Variants in SKAP1 observed in about 807,000 individuals in gnomAD.
SKAP1 encodes the protein src kinase associated phosphoprotein 1.
A neutral mutation model predicts 58.5 loss-of-function variants in SKAP1; 44 were observed. The ratio of observed to expected loss-of-function variants is 0.75; its 90% confidence interval spans 0.59 to 0.97. The LOEUF (loss-of-function observed/expected upper bound fraction) is 0.97. Ranked by LOEUF, SKAP1 falls within the 50% of genes least tolerant of loss-of-function variation. The probability of loss-of-function intolerance (pLI) is 0.00; values close to 1 mark genes in which losing one functional copy is unlikely to be tolerated. For synonymous variants in SKAP1, 127 were observed against 149.7 expected (o/e 0.85, Z 1.11); for missense variants, 390 against 435.2 (o/e 0.90, Z 0.92).
intron 4 of SKAP1, among the ~76,000 whole-genome samples, chr17:48,197,119 A>C (rs1307361415): frequency 6.6e-6 from 1 of 152,106 alleles, no homozygotes; most frequent in Non-Finnish European, 1.5e-5. Flanking sequence ...TTAGCTGGGC[A>C]TAGTGGTGCA....
At chr17:48,312,274 T>G (rs560996912) in intron 4 of SKAP1, among the ~76,000 whole-genome samples, 1 of 152,376 alleles carries the variant, frequency 6.6e-6, no homozygotes, top group East Asian at 1.9e-4. Context: ...AGGTAAAATC[T>G]GATTGGGTGA....
intron 4 of SKAP1, among the ~76,000 whole-genome samples, chr17:48,235,100 C>T (rs1032754507): frequency 1.3e-5 from 2 of 152,096 alleles, no homozygotes; most frequent in Admixed American, 6.5e-5. Context: ...ACAGAGGAGA[C>T]AAAGACTGAG....
intron 4 of SKAP1, among the ~76,000 whole-genome samples, chr17:48,302,016 T>A (rs908772104): frequency 4.6e-5 from 7 of 152,200 alleles, no homozygotes; most frequent in Non-Finnish European, 8.8e-5. Context: ...TCTGTTGAGA[T>A]TATAGGAAAC....
At chr17:48,319,078 T>C (rs565075466) in intron 4 of SKAP1, among the ~76,000 whole-genome samples, 3 of 151,974 alleles carry the variant, frequency 2.0e-5, no homozygotes, top group African/African-American at 7.2e-5. Context: ...TCTGAGAGAG[T>C]GAACAAAACA....
chr17:48,413,514 CA>C lies in SKAP1; in HGVS notation c.46+16560del, dbSNP rs1222640261. Among the ~76,000 whole-genome samples the C allele has an allele frequency of 1.9e-4, 19 of 99,964 alleles. 3 individuals are homozygous for C. The highest frequency in any genetic ancestry group is 3.1e-4 in the Non-Finnish European group (16 of 51,860). The allele number at this position is 99,964 out of a possible 152,430, so 65.6% of individuals were successfully genotyped here. ...AGGCAATAAGAGCAAAACTCCGTCTCAAAAAAAAAATATATATATATATATA... is the reference window on the plus strand; with the variant it reads ...AGGCAATAAGAGCAAAACTCCGTCTCAAAAAAAAATATATATATATATATA... On this transcript the variant is annotated intron_variant, in intron 1 of 12. Coordinates refer to ENST00000336915, the MANE Select transcript of SKAP1 (RefSeq NM_003726.4).
chr17:48,311,333 G>T (rs949700265), intron 4 of SKAP1, among the ~76,000 whole-genome samples: 1 of 152,142 alleles, frequency 6.6e-6, no homozygotes, highest in African/African-American at 2.4e-5. Context: ...AACTGCTCAG[G>T]AGATACCCTC....
intron 9 of SKAP1, among the ~76,000 whole-genome samples, chr17:48,175,545 G>C (rs148844861): frequency 3.2e-3 from 483 of 152,260 alleles, no homozygotes; most frequent in Non-Finnish European, 5.0e-3. Context: ...CAAAATATTC[G>C]CATCCTATTT....
At chr17:48,358,899 CAA>C (rs2066906105) in intron 3 of SKAP1, among the ~76,000 whole-genome samples, 8 of 152,082 alleles carry the variant, frequency 5.3e-5, no homozygotes, top group Non-Finnish European at 2.9e-5. Flanking sequence ...CCGTAGCTAA[CAA>C]AGTTTCTAAG....
At chr17:48,428,660 A>T (rs1370416263) in intron 1 of SKAP1, among the ~76,000 whole-genome samples, 1 of 152,254 alleles carries the variant, frequency 6.6e-6, no homozygotes, top group Non-Finnish European at 1.5e-5. Flanking sequence ...AGATACCAAT[A>T]AAAAGAATCA....
intron 4 of SKAP1, among the ~76,000 whole-genome samples, chr17:48,307,022 G>A (rs1175403428): frequency 6.6e-6 from 1 of 152,122 alleles, no homozygotes; most frequent in East Asian, 1.9e-4. Context: ...TCCCAGACAA[G>A]TATAATTTTC....
intron 6 of SKAP1, 83 bp from the exon 7 acceptor site, chr17:48,184,930 G>C: frequency 7.2e-7 from 1 of 1,380,038 alleles, no homozygotes; most frequent in Non-Finnish European, 9.9e-7. Context: ...TAAAATAAAA[G>C]CACAGAAACA....
At chr17:48,420,558 T>C (rs951098816) in intron 1 of SKAP1, among the ~76,000 whole-genome samples, 3 of 152,130 alleles carry the variant, frequency 2.0e-5, no homozygotes, top group African/African-American at 7.2e-5. Flanking sequence ...AGTGAAAGAA[T>C]AGAGGATATA....
chr17:48,379,967 C>A (rs1011077600), intron 2 of SKAP1, among the ~76,000 whole-genome samples: 5 of 152,170 alleles, frequency 3.3e-5, no homozygotes, highest in Non-Finnish European at 7.3e-5. Flanking sequence ...CAGGCATGAG[C>A]CACCGTGCCC....
At chr17:48,370,072 T>C (rs925088584) in intron 2 of SKAP1, among the ~76,000 whole-genome samples, 6 of 152,186 alleles carry the variant, frequency 3.9e-5, no homozygotes, top group African/African-American at 1.4e-4. Flanking sequence ...TTTCAGTATC[T>C]TTCATACTGC....
intron 4 of SKAP1, among the ~76,000 whole-genome samples, chr17:48,324,978 G>A (rs917358741): frequency 6.6e-6 from 1 of 152,032 alleles, no homozygotes; most frequent in African/African-American, 2.4e-5. Context: ...GCCAGGCGCG[G>A]TGGCTCATGC....
In SKAP1 at chr17:48,182,424, A is replaced by T; in HGVS notation, c.601T>A (p.Trp201Arg). ...TATSPAEARD[W>R]VDQISFLLKD... ...AACAAGAAACTTATTTGATCCACCC[A>T]GTCTCTGGCTTCTGCTGGACTAGTA... The change falls in exon 8 of 13, where the codon TGG (tryptophan) becomes AGG (arginine). Residue 201 changes from tryptophan (W) to arginine (R), a missense_variant. By Grantham distance (101) the Trp-to-Arg change is moderately radical. Transcript: ENST00000336915. 1 of 1,610,480 alleles carries T rather than the reference A, an allele frequency of 6.2e-7. No homozygotes were observed. The highest frequency in any genetic ancestry group is 8.5e-7 in the Non-Finnish European group (1 of 1,177,964).
At chr17:48,399,100 A>G (rs1243883928) in intron 1 of SKAP1, among the ~76,000 whole-genome samples, 3 of 152,160 alleles carry the variant, frequency 2.0e-5, no homozygotes, top group Non-Finnish European at 2.9e-5. Flanking sequence ...TTGATGAGAT[A>G]CAAAGTCCTG....
chr17:48,409,311 A>G (rs1183766452), intron 1 of SKAP1, among the ~76,000 whole-genome samples: 2 of 152,226 alleles, frequency 1.3e-5, no homozygotes, highest in South Asian at 2.1e-4. Context: ...ATGTCCCTCA[A>G]TAGGTGAATA....
intron 4 of SKAP1, among the ~76,000 whole-genome samples, chr17:48,250,973 C>T (rs1184626769): frequency 1.3e-5 from 2 of 152,152 alleles, no homozygotes; most frequent in African/African-American, 2.4e-5. Context: ...CTCCTCTGAA[C>T]TCGTGTTTTG....
Sources: allele counts gnomAD v4.1 joint callset (sites outside exome capture counted in the v4.1 genomes callset), GRCh38; gene constraint gnomAD v4.1.1; transcripts MANE v1.5; gene names NCBI Gene and HGNC (gene_info 2026-07-23, HGNC 2026-07-21).